Variants in GPM6A observed in about 807,000 individuals in gnomAD.
The protein encoded by GPM6A is glycoprotein M6A, also known as neuronal membrane glycoprotein M6-a.
In GPM6A, 7 loss-of-function variants were observed where a neutral mutation model predicts 32.1. The ratio of observed to expected loss-of-function variants is 0.22; its 90% CI spans 0.12 to 0.41. The LOEUF is 0.41. Among genes scored for constraint, GPM6A ranks in the 10% least tolerant of loss-of-function variants. GPM6A has a pLI of 1.00. For missense variants in GPM6A, 235 were observed against 347.2 expected (o/e 0.68, Z 2.57); for synonymous variants, 130 against 123.4 (o/e 1.05, Z -0.35).
intron 1 of GPM6A, among the ~76,000 whole-genome samples, chr4:175,747,555 C>T (rs369926620): frequency 2.6e-5 from 4 of 152,244 alleles, no homozygotes; most frequent in African/African-American, 9.6e-5. Flanking sequence ...GTTATGTTTA[C>T]ACTATCCTGT....
At chr4:175,651,018 C>G (rs1438349431) in intron 4 of GPM6A, among the ~76,000 whole-genome samples, 5 of 152,108 alleles carry the variant, frequency 3.3e-5, no homozygotes, top group African/African-American at 4.8e-5. Flanking sequence ...ACTTCCAGCT[C>G]AGTACTAAGT....
chr4:175,705,963 C>G (rs377676079), intron 1 of GPM6A, among the ~76,000 whole-genome samples: 3 of 152,092 alleles, frequency 2.0e-5, no homozygotes, highest in East Asian at 3.9e-4. Flanking sequence ...TTTACATGTT[C>G]TAGTCACTAC....
chr4:175,727,882 T>C (rs1731246263), intron 1 of GPM6A, among the ~76,000 whole-genome samples: 1 of 151,836 alleles, frequency 6.6e-6, no homozygotes, highest in Non-Finnish European at 1.5e-5. Context: ...CGCATGCCTG[T>C]AGTCCCAGAT....
rs113661841 is a variant in GPM6A at position 175,751,745 on chromosome 4, GTT to G, written c.38-49980_38-49979del. On this transcript the variant is annotated intron_variant, in intron 1 of 6. Transcript: ENST00000393658. ...TGACCCGGAGTCACACGATGCACCT[GTT>G]TTTTTTTTTGTTGTTGTTGTTTGTT... 1.7e-3 allele frequency among the ~76,000 whole-genome samples: 240 copies of G among 143,314 alleles called. 1 individual carries two copies. The highest frequency in any genetic ancestry group is 5.6e-3 in the African/African-American group (220 of 39,426). 94.0% of individuals were successfully genotyped at this position (143,314 alleles called of 152,430 possible).
intron 1 of GPM6A, among the ~76,000 whole-genome samples, chr4:175,753,023 T>A (rs1317717687): frequency 6.6e-6 from 1 of 152,190 alleles, no homozygotes; most frequent in Non-Finnish European, 1.5e-5. Context: ...AAACATAGTG[T>A]CTACATTTCC....
intron 1 of GPM6A, among the ~76,000 whole-genome samples, chr4:175,859,387 C>T (rs17062171): frequency 0.026 from 3,914 of 152,144 alleles, 146 homozygotes; most frequent in African/African-American, 0.085. Context: ...TGCATTTAAG[C>T]GACAAAGAAC....
chr4:175,823,841 T>C (rs909207299), intron 1 of GPM6A, among the ~76,000 whole-genome samples: 8 of 152,234 alleles, frequency 5.3e-5, no homozygotes, highest in Non-Finnish European at 1.0e-4. Context: ...ACAACTTTTC[T>C]CATTCTTTAA....
At chr4:176,001,350 A>G (rs911688264) in intron 1 of GPM6A, among the ~76,000 whole-genome samples, 1 of 152,116 alleles carries the variant, frequency 6.6e-6, no homozygotes, top group South Asian at 2.1e-4. Flanking sequence ...GCAGTCGGCA[A>G]CCGCGGAAGA....
chr4:175,944,329 T>C (rs915480575), intron 1 of GPM6A, among the ~76,000 whole-genome samples: 2 of 152,190 alleles, frequency 1.3e-5, no homozygotes, highest in African/African-American at 4.8e-5. Context: ...CTGTGCATCA[T>C]GATTAAACCA....
In GPM6A at chr4:175,634,795, A is replaced by G; in HGVS notation, c.*110T>C. On this transcript the variant is annotated 3_prime_UTR_variant, in exon 7 of 7. Transcript: ENST00000393658. ...TCAGGTGATTCATAAGTCACCTTACATATCATTGATGAGAAGCACTTTCGT... is the reference window on the plus strand; with the variant it reads ...TCAGGTGATTCATAAGTCACCTTACGTATCATTGATGAGAAGCACTTTCGT... The G allele has an allele frequency of 2.6e-6, 2 of 766,412 alleles. No homozygotes were observed. Among genetic ancestry groups the G allele is most frequent in the Non-Finnish European group, 2.2e-6 (1 of 458,144 alleles). The allele number at this position is 766,412 out of a possible 1,614,324, so 47.5% of individuals were successfully genotyped here. A position where few individuals can be genotyped will look rare whatever the true frequency, so the allele number is the denominator to read the frequency against.
At chr4:175,944,820 C>T (rs147900586) in intron 1 of GPM6A, among the ~76,000 whole-genome samples, 4 of 152,032 alleles carry the variant, frequency 2.6e-5, no homozygotes, top group South Asian at 2.1e-4. Context: ...AGGAAACCAG[C>T]GCAACACTAT....
chr4:175,754,551 GTAA>G (rs1732457290), intron 1 of GPM6A, among the ~76,000 whole-genome samples: 2 of 152,124 alleles, frequency 1.3e-5, no homozygotes, highest in Admixed American at 1.3e-4. Context: ...AGTAGGAATA[GTAA>G]TCCCAAAATG....
chr4:175,996,969 A>C (rs1012663818), intron 1 of GPM6A, among the ~76,000 whole-genome samples: 3 of 151,952 alleles, frequency 2.0e-5, no homozygotes, highest in Non-Finnish European at 4.4e-5. Context: ...TGGAACATTC[A>C]TTCTTGGGAT....
At chr4:175,637,303 A>AT (rs1740747184) in intron 6 of GPM6A, among the ~76,000 whole-genome samples, 2 of 36,156 alleles carry the variant, frequency 5.5e-5, no homozygotes, top group African/African-American at 2.0e-4. Flanking sequence ...TATATTATAT[A>AT]TTATATATAA....
intron 1 of GPM6A, among the ~76,000 whole-genome samples, chr4:175,832,306 C>T (rs1214186614): frequency 3.9e-5 from 6 of 152,264 alleles, no homozygotes; most frequent in Middle Eastern, 3.4e-3. Context: ...TAAACCTCAA[C>T]CTCAGCTAAA....
At chr4:175,654,000 C>G (rs964381779) in intron 3 of GPM6A, among the ~76,000 whole-genome samples, 1 of 152,104 alleles carries the variant, frequency 6.6e-6, no homozygotes, top group Non-Finnish European at 1.5e-5. Flanking sequence ...CTTCCCTACC[C>G]TATCACATCA....
chr4:175,734,565 TTTA>T (rs1731575579), intron 1 of GPM6A, among the ~76,000 whole-genome samples: 1 of 148,278 alleles, frequency 6.7e-6, no homozygotes. Context: ...TCCTTTACTT[TTTA>T]AAAAAAAAAA....
At chr4:175,859,441 G>T (rs1736509047) in intron 1 of GPM6A, among the ~76,000 whole-genome samples, 1 of 152,190 alleles carries the variant, frequency 6.6e-6, no homozygotes, top group South Asian at 2.1e-4. Context: ...TGCCAAACTA[G>T]TTAAGCAACA....
At chr4:175,874,701 A>G (rs1273530343) in intron 1 of GPM6A, among the ~76,000 whole-genome samples, 1 of 152,166 alleles carries the variant, frequency 6.6e-6, no homozygotes, top group African/African-American at 2.4e-5. Context: ...GAAGACGAGA[A>G]AGGAAGTGTA....
Sources: allele counts gnomAD v4.1 joint callset (sites outside exome capture counted in the v4.1 genomes callset), GRCh38; gene constraint gnomAD v4.1.1; transcripts MANE v1.5; gene names NCBI Gene and HGNC (gene_info 2026-07-23, HGNC 2026-07-21).